Variants in NSUN6 observed in about 807,000 individuals in gnomAD.
NSUN6 encodes tRNA (cytosine(72)-C(5))-methyltransferase NSUN6.
A neutral mutation model predicts 58.0 loss-of-function variants in NSUN6; 64 were observed. The ratio of observed to expected loss-of-function variants is 1.10; its 90% CI spans 0.90 to 1.36. NSUN6 has a LOEUF of 1.36. NSUN6 is among the 40% of genes most tolerant of loss of function. NSUN6 has a pLI of 0.00. For synonymous variants in NSUN6, 231 were observed against 193.9 expected (o/e 1.19, Z -1.59); for missense variants, 701 against 550.1 (o/e 1.27, Z -2.74).
chr10:18,656,459 C>A (rs1349475707), upstream of NSUN6, among the ~76,000 whole-genome samples: 2 of 152,110 alleles, frequency 1.3e-5, no homozygotes, highest in South Asian at 2.1e-4. Flanking sequence ...ACTGCTTGAA[C>A]CCGGGAGGCA....
chr10:18,594,441 G>T (rs111421894), intron 7 of NSUN6, among the ~76,000 whole-genome samples: 42,910 of 144,756 alleles, frequency 0.3, 6,520 homozygotes, highest in East Asian at 0.63. Context: ...GTTTTTTTTT[G>T]TTGTTGTTGT....
chr10:18,585,722 G>A (rs1415508317), intron 8 of NSUN6, among the ~76,000 whole-genome samples: 1 of 152,130 alleles, frequency 6.6e-6, no homozygotes, highest in Non-Finnish European at 1.5e-5. Flanking sequence ...AAGTTTTTGA[G>A]ATCTACTGCA....
intron 3 of NSUN6, among the ~76,000 whole-genome samples, chr10:18,625,813 T>A (rs1451885354): frequency 1.4e-5 from 2 of 138,856 alleles, no homozygotes; most frequent in African/African-American, 5.4e-5. Context: ...TAAAGTTGAA[T>A]AACTAAGAAT....
chr10:18,629,343 G>C lies in NSUN6; in HGVS notation c.312-13050C>G, dbSNP rs376070180. 8.6e-3 allele frequency among the ~76,000 whole-genome samples: 1,305 copies of C among 152,050 alleles called. 4 individuals carry two copies. The highest frequency in any genetic ancestry group is 0.015 in the Non-Finnish European group (998 of 67,984). On this transcript the variant is annotated intron_variant, in intron 3 of 10. Coordinates refer to ENST00000377304, the MANE Select transcript of NSUN6 (RefSeq NM_182543.5). ...CATCAAGACTAGGAAGAAACTGCAT[G>C]AACTAACGAGCAAAATAACCAGCTA...
At chr10:18,572,827 C>T (rs534480131) in intron 8 of NSUN6, among the ~76,000 whole-genome samples, 1 of 151,288 alleles carries the variant, frequency 6.6e-6, no homozygotes, top group South Asian at 2.1e-4. Context: ...TCCTCCATTC[C>T]ATTCTCCATT....
chr10:18,574,723 T>A (rs997770415), intron 8 of NSUN6, among the ~76,000 whole-genome samples: 1 of 152,160 alleles, frequency 6.6e-6, no homozygotes, highest in Non-Finnish European at 1.5e-5. Context: ...ATTCCAGGTA[T>A]GCCTCTGGAG....
intron 7 of NSUN6, among the ~76,000 whole-genome samples, chr10:18,588,254 A>G (rs2057245630): frequency 6.6e-6 from 1 of 152,226 alleles, no homozygotes; most frequent in South Asian, 2.1e-4. Flanking sequence ...AAGGACAGGC[A>G]GCAGGCCCAC....
intron 8 of NSUN6, among the ~76,000 whole-genome samples, chr10:18,566,254 C>T (rs1452109550): frequency 6.7e-6 from 1 of 149,710 alleles, no homozygotes; most frequent in Non-Finnish European, 1.5e-5. Context: ...ATTCCACATT[C>T]CATTCCGTTC....
chr10:18,621,684 CTA>C lies in NSUN6; in HGVS notation c.312-5393_312-5392del, dbSNP rs564802753. Among the ~76,000 whole-genome samples, 322 of 152,126 alleles carry C rather than the reference CTA, an allele frequency of 2.1e-3. 2 individuals carry two copies. Among genetic ancestry groups the C allele is most frequent in the African/African-American group, 7.5e-3 (312 of 41,504 alleles). The stretch of plus-strand genomic sequence containing the variant: ...TAGTAATATAGGTTGGAGAAAAAAA[CTA>C]TAAATACACCTAGATTGAGAGAAAA... On this transcript the variant is annotated intron_variant, in intron 3 of 10. Coordinates refer to ENST00000377304, the MANE Select transcript of NSUN6 (RefSeq NM_182543.5).
At chr10:18,594,789 T>G (rs2057520812) in intron 7 of NSUN6, among the ~76,000 whole-genome samples, 1 of 152,206 alleles carries the variant, frequency 6.6e-6, no homozygotes, top group Non-Finnish European at 1.5e-5. Flanking sequence ...CAACTTTCCA[T>G]GTATATTCAC....
intron 3 of NSUN6, among the ~76,000 whole-genome samples, chr10:18,632,800 T>C (rs1324203355): frequency 6.6e-6 from 1 of 152,236 alleles, no homozygotes; most frequent in Non-Finnish European, 1.5e-5. Flanking sequence ...AATTTTACAC[T>C]GTTGGTGGGA....
chr10:18,559,281 G>A (rs1020651142), intron 8 of NSUN6, among the ~76,000 whole-genome samples: 1 of 150,674 alleles, frequency 6.6e-6, no homozygotes, highest in Non-Finnish European at 1.5e-5. Context: ...TTAGAATGTG[G>A]AATTGAATGG....
intron 8 of NSUN6, among the ~76,000 whole-genome samples, chr10:18,574,302 G>C (rs1308428610): frequency 1.3e-5 from 2 of 152,116 alleles, no homozygotes; most frequent in Admixed American, 6.6e-5. Flanking sequence ...GTTAACCAGA[G>C]AGCAGGGAGA....
chr10:18,564,588 T>G (rs1482520843), intron 8 of NSUN6, among the ~76,000 whole-genome samples: 1 of 149,568 alleles, frequency 6.7e-6, no homozygotes, highest in Admixed American at 6.7e-5. Flanking sequence ...TCATTCCATT[T>G]CATTCTCCAT....
intron 6 of NSUN6, among the ~76,000 whole-genome samples, chr10:18,605,854 C>T (rs1004806891): frequency 6.6e-6 from 1 of 152,162 alleles, no homozygotes; most frequent in Admixed American, 6.5e-5. Context: ...AAAATACATT[C>T]AGTCTACAGA....
Position 18,554,930 on chromosome 10 carries a change from AGAATG to A in NSUN6, c.923-2964_923-2960del, listed in dbSNP as rs149444692. Among the ~76,000 whole-genome samples, 15 of 149,512 alleles carry A rather than the reference AGAATG, an allele frequency of 1.0e-4. No individual in the cohort carries two copies. In the East Asian group the frequency reaches 2.7e-3, roughly 27 times the overall value. On this transcript the variant is annotated intron_variant, in intron 8 of 10. Transcript: ENST00000377304. Reference sequence around the variant, plus strand: ...GAATGGAAGAAACGGAATGGAATCAAGAATGGAATGGAATGGAATGAAATGAAATG... The same window carrying A: ...GAATGGAAGAAACGGAATGGAATCAAGAATGGAATGGAATGAAATGAAATG...
chr10:18,597,408 T>TA (rs1338992002), intron 6 of NSUN6, among the ~76,000 whole-genome samples: 1 of 152,198 alleles, frequency 6.6e-6, no homozygotes, highest in Non-Finnish European at 1.5e-5. Flanking sequence ...TTGTGCCTCT[T>TA]AAAGCTTAAA....
Position 18,589,855 on chromosome 10 carries a change from G to A in NSUN6, c.778-3762C>T, listed in dbSNP as rs117309939. ...CTATGAAGAAACTGCATCAACTAACGCGCAAAATAACAAGCTAGCATCATG... is the reference window on the plus strand; with the variant it reads ...CTATGAAGAAACTGCATCAACTAACACGCAAAATAACAAGCTAGCATCATG... On this transcript the variant is annotated intron_variant, in intron 7 of 10. Coordinates refer to ENST00000377304, the MANE Select transcript of NSUN6 (RefSeq NM_182543.5). 3.3e-3 allele frequency among the ~76,000 whole-genome samples: 497 copies of A among 152,130 alleles called. 4 individuals are homozygous for A. Among genetic ancestry groups the A allele is most frequent in the Non-Finnish European group, 6.1e-3 (414 of 67,988 alleles).
intron 8 of NSUN6, among the ~76,000 whole-genome samples, chr10:18,561,786 G>A (rs1378346298): frequency 6.7e-6 from 1 of 149,634 alleles, no homozygotes; most frequent in Admixed American, 6.7e-5. Flanking sequence ...AGAACGGAAT[G>A]GAGAATACAA....
Sources: allele counts gnomAD v4.1 joint callset (sites outside exome capture counted in the v4.1 genomes callset), GRCh38; gene constraint gnomAD v4.1.1; transcripts MANE v1.5; gene names NCBI Gene and HGNC (gene_info 2026-07-23, HGNC 2026-07-21).